The following KCNJ6 variants were observed in gnomAD, a reference collection of about 807,000 sequenced individuals.
KCNJ6 encodes potassium inwardly rectifying channel subfamily J member 6.
KCNJ6 carries 9 observed loss-of-function variants against 34.2 expected under a neutral mutation model. That is an observed-to-expected ratio of 0.26 (90% CI 0.16 to 0.46). The LOEUF (loss-of-function observed/expected upper bound fraction) is 0.46, where lower values mean the gene tolerates loss of function less well. Ranked by LOEUF, KCNJ6 falls within the 20% of genes least tolerant of loss-of-function variation. KCNJ6 has a pLI of 1.00. For missense variants in KCNJ6, 236 were observed against 531.3 expected, an observed-to-expected ratio of 0.44 and a Z score of 5.46; for synonymous variants, 196 against 207.1, an observed-to-expected ratio of 0.95 and a Z score of 0.46.
intron 3 of KCNJ6, among the ~76,000 whole-genome samples, chr21:37,688,996 C>T (rs1373370492): frequency 6.6e-6 from 1 of 152,084 alleles, no homozygotes; most frequent in Non-Finnish European, 1.5e-5. Flanking sequence ...ACCAAAGGTG[C>T]ATATATCATT....
intron 2 of KCNJ6, among the ~76,000 whole-genome samples, chr21:37,833,579 C>A (rs1187625883): frequency 6.6e-6 from 1 of 152,184 alleles, no homozygotes; most frequent in Non-Finnish European, 1.5e-5. Context: ...GAGATGCAGC[C>A]TCCGAGACTG....
At chr21:37,893,288 A>G (rs562126988) in intron 1 of KCNJ6, among the ~76,000 whole-genome samples, 1 of 151,318 alleles carries the variant, frequency 6.6e-6, no homozygotes, top group South Asian at 2.1e-4. Context: ...GATCACTGCA[A>G]TCTCTGCCAC....
At chr21:37,642,447 G>A (rs1195568441) in intron 3 of KCNJ6, among the ~76,000 whole-genome samples, 2 of 152,164 alleles carry the variant, frequency 1.3e-5, no homozygotes, top group Admixed American at 1.3e-4. Context: ...AATGCTAAAA[G>A]AGAAAACTGC....
intron 1 of KCNJ6, among the ~76,000 whole-genome samples, chr21:37,845,965 A>T (rs1190948348): frequency 1.3e-5 from 2 of 152,218 alleles, no homozygotes; most frequent in Admixed American, 6.5e-5. Flanking sequence ...ATTCATAGAC[A>T]CATCAAACGT....
intron 1 of KCNJ6, among the ~76,000 whole-genome samples, chr21:37,877,357 C>T (rs563478676): frequency 7.2e-5 from 11 of 152,170 alleles, no homozygotes; most frequent in Non-Finnish European, 1.2e-4. Context: ...GGAAAACTGA[C>T]CGCATGAGAA....
At chr21:37,833,340 G>T (rs2055436085) in intron 2 of KCNJ6, among the ~76,000 whole-genome samples, 1 of 152,162 alleles carries the variant, frequency 6.6e-6, no homozygotes, top group Non-Finnish European at 1.5e-5. Context: ...CTAGCATGCA[G>T]TTCAGCCCCT....
At chr21:37,796,793 T>C (rs2055244993) in intron 2 of KCNJ6, among the ~76,000 whole-genome samples, 1 of 133,788 alleles carries the variant, frequency 7.5e-6, no homozygotes, top group Non-Finnish European at 1.6e-5. Context: ...TTTTTTTTTT[T>C]TTTTTTTTTT....
intron 3 of KCNJ6, among the ~76,000 whole-genome samples, chr21:37,698,433 CCCT>C (rs1487613887): frequency 3.9e-5 from 6 of 152,204 alleles, no homozygotes; most frequent in African/African-American, 1.4e-4. Flanking sequence ...CCTGCTGTTC[CCCT>C]CCTCATCGAA....
At chr21:37,687,252 C>T (rs900751625) in intron 3 of KCNJ6, among the ~76,000 whole-genome samples, 7 of 152,102 alleles carry the variant, frequency 4.6e-5, no homozygotes, top group African/African-American at 1.7e-4. Context: ...CTCAGCAACG[C>T]GGGGTTACAG....
In KCNJ6 at chr21:37,694,126, C is replaced by A. The variant is rs568164618; in HGVS notation, c.946+20085G>T. Among the ~76,000 whole-genome samples, 10 of 152,230 alleles carry A rather than the reference C, an allele frequency of 6.6e-5. No individual in the cohort carries two copies. In the East Asian group the frequency reaches 1.9e-3, roughly 29 times the overall value. On this transcript the variant is annotated intron_variant, in intron 3 of 3. Transcript: ENST00000609713. ...GAGAAGGTTCTGGAGGGAGAAAGGC[C>A]CCTCCTGGGACAGAGGTGGTGTTCC...
rs560346174 is a variant in KCNJ6 at position 37,898,009 on chromosome 21, C to A, written c.-28+17875G>T. ...TTAAATGACTGTTATTCAAGTGAAC[C>A]TTGGACATTGGGCTGTGTGTGCTCA... On this transcript the variant is annotated intron_variant, in intron 1 of 3. Transcript: ENST00000609713. Among the ~76,000 whole-genome samples the A allele has an allele frequency of 1.2e-4, 18 of 152,248 alleles. No individual in the cohort carries two copies. The South Asian group carries it at 2.7e-3, about 23-fold the overall frequency.
chr21:37,660,438 T>G (rs2054483040), intron 3 of KCNJ6, among the ~76,000 whole-genome samples: 1 of 152,182 alleles, frequency 6.6e-6, no homozygotes, highest in Non-Finnish European at 1.5e-5. Context: ...CGTGGGGTGT[T>G]CTGGCCCAGC....
chr21:37,666,876 T>A (rs928529348), intron 3 of KCNJ6, among the ~76,000 whole-genome samples: 3 of 151,676 alleles, frequency 2.0e-5, no homozygotes, highest in South Asian at 4.2e-4. Flanking sequence ...CTCTGAAACA[T>A]GTGCTGTGTC....
At chr21:37,864,258 T>C (rs754184427) in intron 1 of KCNJ6, among the ~76,000 whole-genome samples, 10 of 152,030 alleles carry the variant, frequency 6.6e-5, no homozygotes, top group Non-Finnish European at 1.0e-4. Context: ...ACAACAAGTG[T>C]GCACCACCAT....
intron 1 of KCNJ6, among the ~76,000 whole-genome samples, chr21:37,885,246 T>C (rs1216399406): frequency 6.6e-6 from 1 of 151,990 alleles, no homozygotes; most frequent in Non-Finnish European, 1.5e-5. Context: ...GGAGGTACAG[T>C]GGTGGGGAGC....
intron 1 of KCNJ6, among the ~76,000 whole-genome samples, chr21:37,910,856 G>A (rs901191531): frequency 2.0e-5 from 3 of 152,172 alleles, no homozygotes; most frequent in African/African-American, 7.2e-5. Flanking sequence ...TGGCCTTACT[G>A]CATTCCATAT....
intron 3 of KCNJ6, among the ~76,000 whole-genome samples, chr21:37,666,314 G>A (rs1601410403): frequency 1.3e-5 from 2 of 152,142 alleles, no homozygotes; most frequent in East Asian, 3.9e-4. Context: ...AGGCTGACCT[G>A]AGGCTGAGCT....
At chr21:37,727,209 C>G (rs2054859214) in intron 2 of KCNJ6, among the ~76,000 whole-genome samples, 1 of 152,156 alleles carries the variant, frequency 6.6e-6, no homozygotes, top group Admixed American at 6.5e-5. Flanking sequence ...ACTCTGACCT[C>G]TAGATTATGA....
Position 37,662,028 on chromosome 21 carries a change from TATA to T in KCNJ6, c.947-36547_947-36545del, listed in dbSNP as rs969200877. Among the ~76,000 whole-genome samples the T allele has an allele frequency of 4.6e-5, 7 of 152,320 alleles. No individual in the cohort carries two copies. The South Asian group carries it at 8.3e-4, about 18-fold the overall frequency. On this transcript the variant is annotated intron_variant, in intron 3 of 3. Transcript: ENST00000609713. Reference sequence around the variant, plus strand: ...TTGATCATTTGCGTTCTGCTTATGTTATAATAACTATCTAGAAGAAAACAATTT... The same window carrying T: ...TTGATCATTTGCGTTCTGCTTATGTTATAACTATCTAGAAGAAAACAATTT...
Sources: allele counts gnomAD v4.1 joint callset (sites outside exome capture counted in the v4.1 genomes callset), GRCh38; gene constraint gnomAD v4.1.1; transcripts MANE v1.5; gene names NCBI Gene and HGNC (gene_info 2026-07-23, HGNC 2026-07-21).